ACACA: variants seen among roughly 807,000 people sequenced by gnomAD.
The protein encoded by ACACA is acetyl-CoA carboxylase 1.
ACACA carries 103 observed loss-of-function variants against 296.1 expected under a neutral mutation model. The ratio of observed to expected loss-of-function variants is 0.35; its 90% CI spans 0.30 to 0.41. The LOEUF is 0.41. Ranked by LOEUF, ACACA falls within the 10% of genes least tolerant of loss-of-function variation. The pLI is 1.00. For synonymous variants in ACACA, 953 were observed against 1,038.6 expected (o/e 0.92, Z 1.58); for missense variants, 1,554 against 2,989.7 (o/e 0.52, Z 11.20).
chr17:37,274,084 A>C, intron 9 of ACACA, 109 bp downstream of exon 9: 1 of 894,894 alleles, frequency 1.1e-6, no homozygotes, highest in Non-Finnish European at 1.9e-6. Context: ...CTGGTCTTAC[A>C]TCCCTAACAC....
chr17:37,087,318 A>T lies in ACACA; in HGVS notation c.7150T>A (p.Ter2384LysextTer16). The change falls in exon 56 of 56, where the codon TAG becomes AAG. Residue 2384 changes from the stop codon to lysine (K), a stop_lost. Transcript: ENST00000616317. ...CAGGGACAGGCAGGAAGCTCTTCCTACGTGGAAGGGGAATCCATTGTGGAG... is the reference window on the plus strand; with the variant it reads ...CAGGGACAGGCAGGAAGCTCTTCCTTCGTGGAAGGGGAATCCATTGTGGAG... ...ILSTMDSPST* is the reference protein window; with the variant it reads ...ILSTMDSPSTK The T allele has an allele frequency of 6.2e-7, 1 of 1,614,160 alleles. No homozygotes were observed.
intron 47 of ACACA, among the ~76,000 whole-genome samples, chr17:37,127,370 AG>A (rs1363450483): frequency 6.6e-6 from 1 of 152,204 alleles, no homozygotes; most frequent in Non-Finnish European, 1.5e-5. Context: ...CTCTCCTGCT[AG>A]GGGTAGGAGG....
At chr17:37,378,809 C>T (rs1195874344) in intron 1 of ACACA, among the ~76,000 whole-genome samples, 1 of 152,160 alleles carries the variant, frequency 6.6e-6, no homozygotes, top group Non-Finnish European at 1.5e-5. Context: ...TGTCTGTAAT[C>T]CCAGCACTTT....
intron 9 of ACACA, among the ~76,000 whole-genome samples, chr17:37,271,641 A>T (rs866995811): frequency 6.9e-6 from 1 of 144,212 alleles, no homozygotes; most frequent in African/African-American, 2.5e-5. Flanking sequence ...TATTACAATT[A>T]AAAAAAAAAA....
At chr17:37,349,145 C>T (rs1439808863) in intron 1 of ACACA, among the ~76,000 whole-genome samples, 1 of 150,648 alleles carries the variant, frequency 6.6e-6, no homozygotes, top group East Asian at 1.9e-4. Context: ...ACTGCAACCT[C>T]CACCTCCCAG....
At chr17:37,340,991 T>C (rs938871355) in intron 1 of ACACA, among the ~76,000 whole-genome samples, 5 of 152,174 alleles carry the variant, frequency 3.3e-5, no homozygotes, top group Admixed American at 6.6e-5. Flanking sequence ...GTCCAGGAGC[T>C]GGAGGCTGCA....
chr17:37,369,001 A>T (rs2049706563), intron 1 of ACACA, among the ~76,000 whole-genome samples: 1 of 152,194 alleles, frequency 6.6e-6, no homozygotes, highest in Non-Finnish European at 1.5e-5. Context: ...CTGCCCCAGA[A>T]ACATTGCTCA....
In ACACA at chr17:37,406,599, C is replaced by A. The variant is rs892939131; in HGVS notation, c.-300G>T. 30 of 559,196 alleles carry A rather than the reference C, an allele frequency of 5.4e-5. No individual in the cohort carries two copies. The highest frequency in any genetic ancestry group is 8.6e-5 in the Non-Finnish European group (27 of 312,210). 34.6% of individuals were successfully genotyped at this position (559,196 alleles called of 1,614,324 possible). A position where few individuals can be genotyped will look rare whatever the true frequency, so the allele number is the denominator to read the frequency against. ...CGGCTCGGCCCGCCTCACCGCACTC[C>A]GGAGGGGACCAAACAGCCCCACGCG... On this transcript the variant is annotated 5_prime_UTR_variant, in exon 1 of 56. Coordinates refer to ENST00000616317, the MANE Select transcript of ACACA (RefSeq NM_198834.3).
At chr17:37,379,582 C>T (rs567634248) in intron 1 of ACACA, among the ~76,000 whole-genome samples, 32 of 152,048 alleles carry the variant, frequency 2.1e-4, no homozygotes, top group African/African-American at 5.8e-4. Context: ...GAGTAGGTTG[C>T]GAAAATTTTC....
intron 29 of ACACA, among the ~76,000 whole-genome samples, chr17:37,220,972 T>C (rs2079259479): frequency 6.6e-6 from 1 of 152,186 alleles, no homozygotes; most frequent in African/African-American, 2.4e-5. Context: ...TTTCCTGTGG[T>C]ATTACTAAAA....
At chr17:37,230,648 T>C (rs2079814324) in intron 25 of ACACA, among the ~76,000 whole-genome samples, 1 of 152,182 alleles carries the variant, frequency 6.6e-6, no homozygotes, top group East Asian at 1.9e-4. Context: ...CATCAGGGTT[T>C]TTCAGAACCA....
intron 1 of ACACA, among the ~76,000 whole-genome samples, chr17:37,384,364 T>C (rs1362027074): frequency 6.6e-6 from 1 of 152,226 alleles, no homozygotes; most frequent in African/African-American, 2.4e-5. Flanking sequence ...ACGGCTGTTA[T>C]CAATATTTCA....
chr17:37,260,681 T>C (rs1377614843), intron 11 of ACACA, among the ~76,000 whole-genome samples: 1 of 151,954 alleles, frequency 6.6e-6, no homozygotes. Flanking sequence ...AACATAGTCA[T>C]GATAGTATAA....
At chr17:37,353,313 C>A (rs1384711340) in intron 1 of ACACA, among the ~76,000 whole-genome samples, 1 of 151,928 alleles carries the variant, frequency 6.6e-6, no homozygotes. Context: ...AAAATATATA[C>A]ACAACTAAGA....
intron 45 of ACACA, among the ~76,000 whole-genome samples, chr17:37,139,783 C>T (rs1191456522): frequency 6.6e-6 from 1 of 152,234 alleles, no homozygotes; most frequent in East Asian, 1.9e-4. Flanking sequence ...ACTTATTTCA[C>T]ATTTTTAACT....
At chr17:37,250,123 A>C (rs2080913327) in intron 16 of ACACA, among the ~76,000 whole-genome samples, 1 of 152,228 alleles carries the variant, frequency 6.6e-6, no homozygotes, top group African/African-American at 2.4e-5. Flanking sequence ...AGTCTTGGGA[A>C]TGTCTTTATT....
chr17:37,406,646 G>A lies in ACACA; in HGVS notation c.-347C>T. The A allele has an allele frequency of 4.1e-6, 2 of 487,230 alleles. No homozygotes were observed. Among genetic ancestry groups the A allele is most frequent in the Admixed American group, 3.4e-5 (1 of 29,718 alleles). 30.2% of individuals were successfully genotyped at this position (487,230 alleles called of 1,614,324 possible). Reference sequence around the variant, plus strand: ...CGCGCCAGGAAGCCTCAGGCAACGGGCCACGCGCCACACGGGCAAAGTGAT... The same window carrying A: ...CGCGCCAGGAAGCCTCAGGCAACGGACCACGCGCCACACGGGCAAAGTGAT... On this transcript the variant is annotated 5_prime_UTR_variant, in exon 1 of 56. Coordinates refer to ENST00000616317, the MANE Select transcript of ACACA (RefSeq NM_198834.3).
At position 37,330,402 on chromosome 17, in the gene ACACA, T is replaced by C; in HGVS notation, c.109A>G (p.Ile37Val). The change falls in exon 3 of 56, where the codon ATA becomes GTA. Residue 37 changes from isoleucine to valine, a missense_variant. By Grantham distance (29) the Ile-to-Val change is conservative. Coordinates refer to ENST00000616317, the MANE Select transcript of ACACA (RefSeq NM_198834.3). ...IRAVRAHFGG[I>V]MDEPSPLAQP... ...GCCAAGGGAGATGGTTCATCCATTATTCCTCCAAAATGAGCTCTTACAGCT... is the reference window on the plus strand; with the variant it reads ...GCCAAGGGAGATGGTTCATCCATTACTCCTCCAAAATGAGCTCTTACAGCT... 6.2e-7 allele frequency: 1 copy of C among 1,614,222 alleles called. No homozygotes were observed. Among genetic ancestry groups the C allele is most frequent in the Non-Finnish European group, 8.5e-7 (1 of 1,180,034 alleles).
chr17:37,197,691 C>T (rs545206065), intron 35 of ACACA, among the ~76,000 whole-genome samples: 45 of 152,310 alleles, frequency 3.0e-4, no homozygotes, highest in East Asian at 9.6e-4. Flanking sequence ...TCTGCCAACG[C>T]TTCCTGGCTA....
Sources: allele counts gnomAD v4.1 joint callset (sites outside exome capture counted in the v4.1 genomes callset), GRCh38; gene constraint gnomAD v4.1.1; transcripts MANE v1.5; gene names NCBI Gene and HGNC (gene_info 2026-07-23, HGNC 2026-07-21).